Variants in RFX4 observed in about 807,000 individuals in gnomAD.
The protein encoded by RFX4 is transcription factor RFX4.
Under a neutral mutation model 95.0 loss-of-function variants are expected in RFX4, and 10 were observed. The ratio of observed to expected loss-of-function variants is 0.11; its 90% CI spans 0.06 to 0.18. The LOEUF is 0.18. RFX4 is among the 10% of genes least tolerant of loss of function. The probability of loss-of-function intolerance (pLI) is 1.00; values close to 1 mark genes in which losing one functional copy is unlikely to be tolerated. For synonymous variants in RFX4, 321 were observed against 340.7 expected, an observed-to-expected ratio of 0.94 and a Z score of 0.64; for missense variants, 640 against 922.0, an observed-to-expected ratio of 0.69 and a Z score of 3.96.
At chr12:106,655,979 A>G (rs1470923061) in intron 4 of RFX4, among the ~76,000 whole-genome samples, 1 of 152,224 alleles carries the variant, frequency 6.6e-6, no homozygotes, top group Non-Finnish European at 1.5e-5. Flanking sequence ...CCACTTGTAG[A>G]AACTCCAATT....
chr12:106,606,209 G>T (rs1272056725), intron 1 of RFX4, among the ~76,000 whole-genome samples: 3 of 152,188 alleles, frequency 2.0e-5, no homozygotes. Context: ...CAGGCAAATG[G>T]GTGAGAGGGA....
intron 7 of RFX4, among the ~76,000 whole-genome samples, chr12:106,694,422 C>T (rs1390589989): frequency 6.6e-6 from 1 of 152,182 alleles, no homozygotes; most frequent in African/African-American, 2.4e-5. Flanking sequence ...TTAGGCCCTA[C>T]TCCTTGGAGG....
chr12:106,696,232 T>G (rs770622925), intron 7 of RFX4, 51 bp from the exon 8 acceptor site: 1 of 1,603,718 alleles, frequency 6.2e-7, no homozygotes, highest in East Asian at 2.2e-5. Context: ...AAGCTTCTGT[T>G]GGGAGGGCCC....
intron 3 of RFX4, among the ~76,000 whole-genome samples, chr12:106,639,936 T>C (rs1437033295): frequency 2.0e-5 from 3 of 152,236 alleles, no homozygotes; most frequent in Non-Finnish European, 4.4e-5. Flanking sequence ...AATTATGTTG[T>C]AGCTTTGAAC....
rs74707734 is a variant in RFX4, at chr12:106,629,325, T to C, written c.131-10007T>C. 4.4e-3 allele frequency among the ~76,000 whole-genome samples: 666 copies of C among 152,292 alleles called. 2 individuals carry two copies. The highest frequency in any genetic ancestry group is 6.8e-3 in the Non-Finnish European group (463 of 68,022). On this transcript the variant is annotated intron_variant, in intron 2 of 17. Transcript: ENST00000392842. ...AGACAAGCTGCAACAAATAACCTTGTGTATGCATCGTTTCGGATGTGTCCA... is the reference window on the plus strand; with the variant it reads ...AGACAAGCTGCAACAAATAACCTTGCGTATGCATCGTTTCGGATGTGTCCA...
chr12:106,658,145 A>T (rs1288961257), intron 4 of RFX4, among the ~76,000 whole-genome samples: 1 of 152,172 alleles, frequency 6.6e-6, no homozygotes, highest in Non-Finnish European at 1.5e-5. Flanking sequence ...TGTATGATTT[A>T]TATTTACATT....
chr12:106,616,423 A>G (rs1413792081), intron 2 of RFX4, among the ~76,000 whole-genome samples: 1 of 152,016 alleles, frequency 6.6e-6, no homozygotes, highest in Non-Finnish European at 1.5e-5. Flanking sequence ...GTGGCCTATG[A>G]TATTTCTTTT....
intron 14 of RFX4, 95 bp downstream of exon 14, chr12:106,732,344 G>T (rs369769131): frequency 4.6e-6 from 7 of 1,513,002 alleles, no homozygotes; most frequent in African/African-American, 1.4e-5. Context: ...GTATCTCAAA[G>T]AATTTAGTTA....
intron 4 of RFX4, among the ~76,000 whole-genome samples, chr12:106,679,475 A>AC (rs1282646915): frequency 4.0e-5 from 6 of 150,510 alleles, no homozygotes; most frequent in African/African-American, 1.5e-4. Context: ...AAAAAAAAAA[A>AC]CCAAAAACCA....
intron 2 of RFX4, among the ~76,000 whole-genome samples, chr12:106,609,099 T>C (rs2039902031): frequency 6.6e-6 from 1 of 152,198 alleles, no homozygotes; most frequent in East Asian, 1.9e-4. Flanking sequence ...CAGCAAAAAC[T>C]TGCTGTTTAC....
At chr12:106,744,158 G>T (rs575328756) in intron 15 of RFX4, among the ~76,000 whole-genome samples, 17 of 152,150 alleles carry the variant, frequency 1.1e-4, no homozygotes, top group Non-Finnish European at 2.2e-4. Flanking sequence ...GCATAATCCA[G>T]TCATCTGAGT....
chr12:106,759,074 A>G (rs922893837), intron 17 of RFX4, among the ~76,000 whole-genome samples: 52 of 152,226 alleles, frequency 3.4e-4, no homozygotes, highest in African/African-American at 1.2e-3. Flanking sequence ...ATAAGCCAAA[A>G]GAAAGACCTA....
chr12:106,714,505 T>G (rs926965680), intron 10 of RFX4, among the ~76,000 whole-genome samples: 1 of 152,200 alleles, frequency 6.6e-6, no homozygotes, highest in Non-Finnish European at 1.5e-5. Context: ...GCCTAGAAAT[T>G]TACATGCATT....
Position 106,704,678 on chromosome 12 carries a change from C to G in RFX4, c.834-4652C>G, listed in dbSNP as rs151061338. Among the ~76,000 whole-genome samples, 57 of 152,286 alleles carry G rather than the reference C, an allele frequency of 3.7e-4. 1 individual carries two copies. The highest frequency in any genetic ancestry group is 2.4e-3 in the Admixed American group (37 of 15,294). On this transcript the variant is annotated intron_variant, in intron 8 of 17. Transcript: ENST00000392842. ...AAAAAGACACTATGATAGAGATAAC[C>G]ATGGATCATACACTCCCATTTATAA... is the stretch of plus-strand genomic sequence containing the variant.
At chr12:106,612,729 T>C (rs1028410093) in intron 2 of RFX4, among the ~76,000 whole-genome samples, 10 of 152,078 alleles carry the variant, frequency 6.6e-5, no homozygotes, top group African/African-American at 2.4e-4. Context: ...TCCCAGCTAC[T>C]TGGGAGGCTG....
At chr12:106,695,506 G>T (rs545884217) in intron 7 of RFX4, among the ~76,000 whole-genome samples, 1 of 152,224 alleles carries the variant, frequency 6.6e-6, no homozygotes, top group South Asian at 2.1e-4. Flanking sequence ...TCTGCCCTTC[G>T]TTCAGTAACA....
At chr12:106,607,103 A>C (rs2039852358) in intron 1 of RFX4, among the ~76,000 whole-genome samples, 1 of 152,178 alleles carries the variant, frequency 6.6e-6, no homozygotes, top group Non-Finnish European at 1.5e-5. Context: ...CAGCTCCCAG[A>C]TCATAAAGAA....
At chr12:106,690,792 G>T (rs930802106) in intron 7 of RFX4, among the ~76,000 whole-genome samples, 1 of 152,246 alleles carries the variant, frequency 6.6e-6, no homozygotes, top group African/African-American at 2.4e-5. Context: ...GGGCTGGGGA[G>T]TGTGGTCCCT....
chr12:106,590,023 G>C (rs1362497483), intron 1 of RFX4, among the ~76,000 whole-genome samples: 1 of 152,202 alleles, frequency 6.6e-6, no homozygotes, highest in Admixed American at 6.5e-5. Flanking sequence ...TGCTTCCCTA[G>C]AGCATAAGTT....
Sources: gnomAD v4.1 joint callset for allele counts (sites outside exome capture counted in the v4.1 genomes callset) on GRCh38, gnomAD v4.1.1 for gene constraint, MANE v1.5 for transcripts, NCBI Gene and HGNC (gene_info 2026-07-23, HGNC 2026-07-21) for gene names.